Variants in RNLS observed in about 807,000 individuals in gnomAD.
RNLS encodes the protein renalase, FAD dependent amine oxidase.
In RNLS, 39 loss-of-function variants were observed where a neutral mutation model predicts 39.8. The observed-to-expected ratio is 0.98, with a 90% CI of 0.76 to 1.28. The LOEUF (loss-of-function observed/expected upper bound fraction) is 1.28. Among genes scored for constraint, RNLS ranks in the 50% most tolerant of loss-of-function variants. RNLS has a pLI of 0.00. For synonymous variants in RNLS, 147 were observed against 150.7 expected (o/e 0.98, Z 0.18); for missense variants, 410 against 413.3 (o/e 0.99, Z 0.07).
At chr10:88,205,850 T>C in the RNLS span, among the ~76,000 whole-genome samples, 1 of 152,178 alleles carries the variant, frequency 6.6e-6, no homozygotes, top group Non-Finnish European at 1.5e-5. Context: ...TCAGAGGCAA[T>C]ATTCTCTTTT....
intron 4 of RNLS, among the ~76,000 whole-genome samples, chr10:88,381,448 T>TAA (rs943893806): frequency 7.9e-5 from 12 of 151,956 alleles, no homozygotes; most frequent in African/African-American, 2.7e-4. Flanking sequence ...TGAAGTATAG[T>TAA]AAAACTACTG....
chr10:88,197,215 A>C, the RNLS span, among the ~76,000 whole-genome samples: 60 of 152,342 alleles, frequency 3.9e-4, no homozygotes, highest in Admixed American at 1.2e-3. Flanking sequence ...GAGTTGGTAG[A>C]GAGAATAAAG....
chr10:88,422,362 C>T (rs1854459614), intron 4 of RNLS, among the ~76,000 whole-genome samples: 1 of 152,154 alleles, frequency 6.6e-6, no homozygotes, highest in African/African-American at 2.4e-5. Flanking sequence ...TTATATATAA[C>T]ACTTTATATT....
chr10:88,433,323 C>A (rs537280629), intron 4 of RNLS, among the ~76,000 whole-genome samples: 1 of 152,072 alleles, frequency 6.6e-6, no homozygotes, highest in East Asian at 1.9e-4. Context: ...GCTAGGGAAG[C>A]AAGGCAGTGT....
In RNLS at chr10:88,284,406, T is replaced by C; in HGVS notation, c.*948A>G. 7 of 985,400 alleles carry C rather than the reference T, an allele frequency of 7.1e-6. No individual in the cohort carries two copies. Among genetic ancestry groups the C allele is most frequent in the South Asian group, 9.4e-5 (2 of 21,284 alleles). The allele number at this position is 985,400 out of a possible 1,614,324, so 61.0% of individuals were successfully genotyped here. A position where few individuals can be genotyped will look rare whatever the true frequency, so the allele number is the denominator to read the frequency against. On this transcript the variant is annotated 3_prime_UTR_variant, in exon 7 of 7. Coordinates refer to ENST00000331772, the MANE Select transcript of RNLS (RefSeq NM_001031709.3). ...GCTGGTTTGGAAGGCTGGAGATTGA[T>C]TTCTCTCCAGCTAGCAAGTCGTGGG...
chr10:88,401,437 G>A (rs981540477), intron 4 of RNLS, among the ~76,000 whole-genome samples: 1 of 151,996 alleles, frequency 6.6e-6, no homozygotes, highest in African/African-American at 2.4e-5. Flanking sequence ...CACCAGAATA[G>A]AGTGTTCTAA....
intron 3 of RNLS, among the ~76,000 whole-genome samples, chr10:88,573,293 C>A (rs1564912780): frequency 1.3e-5 from 2 of 152,174 alleles, no homozygotes; most frequent in Non-Finnish European, 2.9e-5. Flanking sequence ...ACTACTCCTA[C>A]AATTAGTGAT....
At chr10:88,274,840 C>A in exon 7 of RNLS, 1 of 711,274 alleles carries the variant, frequency 1.4e-6, no homozygotes, top group South Asian at 1.6e-5. Flanking sequence ...ATCTCCACAT[C>A]CTTGCCAACA....
At chr10:88,402,286 A>G (rs1348154634) in intron 4 of RNLS, among the ~76,000 whole-genome samples, 1 of 152,056 alleles carries the variant, frequency 6.6e-6, no homozygotes, top group Non-Finnish European at 1.5e-5. Flanking sequence ...TAACTTCTCT[A>G]CAGATGATGA....
intron 4 of RNLS, among the ~76,000 whole-genome samples, chr10:88,377,425 C>A (rs140140855): frequency 6.6e-6 from 1 of 152,172 alleles, no homozygotes; most frequent in Non-Finnish European, 1.5e-5. Context: ...GGTGATTTTG[C>A]ATTATGTGAA....
chr10:88,218,577 G>A, the RNLS span, among the ~76,000 whole-genome samples: 4 of 152,158 alleles, frequency 2.6e-5, no homozygotes, highest in Non-Finnish European at 4.4e-5. Flanking sequence ...ATATTTGAAA[G>A]GGCCAATGGA....
At chr10:88,265,323 CTTTTTTTTTTTT>C in the RNLS span, among the ~76,000 whole-genome samples, 47 of 59,076 alleles carry the variant, frequency 8.0e-4, no homozygotes, top group African/African-American at 2.7e-3. Context: ...CAGGGTTTTT[CTTTTTTTTTTTT>C]TTTTTTTTTT....
At chr10:88,279,543 C>A (rs1221448822), downstream of RNLS, among the ~76,000 whole-genome samples, 1 of 151,932 alleles carries the variant, frequency 6.6e-6, no homozygotes, top group African/African-American at 2.4e-5. Context: ...TGTCACCGAC[C>A]CCACCAGGAA....
At chr10:88,337,355 A>G (rs557839594) in intron 5 of RNLS, among the ~76,000 whole-genome samples, 1 of 152,244 alleles carries the variant, frequency 6.6e-6, no homozygotes, top group South Asian at 2.1e-4. Flanking sequence ...GGGGAACATT[A>G]TCCAAATTTT....
At chr10:88,241,835 C>T in the RNLS span, among the ~76,000 whole-genome samples, 1 of 151,936 alleles carries the variant, frequency 6.6e-6, no homozygotes, top group Non-Finnish European at 1.5e-5. Context: ...TGCATTTATA[C>T]AGACTTTTTT....
the RNLS span, among the ~76,000 whole-genome samples, chr10:88,203,387 C>A: frequency 1.6e-4 from 1 of 6,328 alleles, no homozygotes; most frequent in Non-Finnish European, 3.1e-4. Flanking sequence ...TATATATATA[C>A]ACGTATGTGT....
At chr10:88,370,862 AC>A (rs1850506288) in intron 4 of RNLS, among the ~76,000 whole-genome samples, 1 of 152,096 alleles carries the variant, frequency 6.6e-6, no homozygotes, top group South Asian at 2.1e-4. Flanking sequence ...GTTTCACTTC[AC>A]CTGGAATAAA....
chr10:88,254,739 C>G, the RNLS span, among the ~76,000 whole-genome samples: 2 of 152,202 alleles, frequency 1.3e-5, no homozygotes, highest in Non-Finnish European at 2.9e-5. Flanking sequence ...ACCTAACGAG[C>G]TAACATAGAG....
chr10:88,530,920 GC>G (rs1359068122), intron 4 of RNLS, among the ~76,000 whole-genome samples: 2 of 152,104 alleles, frequency 1.3e-5, no homozygotes, highest in African/African-American at 4.8e-5. Context: ...GAGCACCAAG[GC>G]AGGATCATCA....
Sources: gnomAD v4.1 joint callset for allele counts (sites outside exome capture counted in the v4.1 genomes callset) on GRCh38, gnomAD v4.1.1 for gene constraint, MANE v1.5 for transcripts, NCBI Gene and HGNC (gene_info 2026-07-23, HGNC 2026-07-21) for gene names.